Variants in ZFHX3 observed in about 807,000 individuals in gnomAD.
The protein encoded by ZFHX3 is zinc finger homeobox protein 3.
In ZFHX3, 42 loss-of-function variants were observed where a neutral mutation model predicts 279.1. The observed-to-expected ratio is 0.15, with a 90% CI of 0.12 to 0.19. The LOEUF (loss-of-function observed/expected upper bound fraction) is 0.19, where lower values mean the gene tolerates loss of function less well. Ranked by LOEUF, ZFHX3 falls within the 10% of genes least tolerant of loss-of-function variation. ZFHX3 has a pLI of 1.00. For synonymous variants in ZFHX3, 2,293 were observed against 1,957.8 expected (o/e 1.17, Z -4.52); for missense variants, 4,981 against 4,754.0 (o/e 1.05, Z -1.40).
chr16:73,251,844 CACAT>C (rs1324683398), intron 5 of ZFHX3, among the ~76,000 whole-genome samples: 2 of 144,114 alleles, frequency 1.4e-5, no homozygotes, highest in Non-Finnish European at 3.0e-5. Context: ...CATGCACACG[CACAT>C]ACACACCGCA....
intron 2 of ZFHX3, among the ~76,000 whole-genome samples, chr16:73,599,675 T>A (rs1394916771): frequency 6.6e-6 from 1 of 151,070 alleles, no homozygotes; most frequent in African/African-American, 2.4e-5. Flanking sequence ...GGCAGCTGAT[T>A]GAGAACTATA....
At chr16:72,931,404 T>TACACAC (rs59696404) in intron 3 of ZFHX3, among the ~76,000 whole-genome samples, 3,943 of 120,020 alleles carry the variant, frequency 0.033, 112 homozygotes, top group Non-Finnish European at 0.048. Flanking sequence ...TTTATTTCAT[T>TACACAC]ACACACACAC....
intron 3 of ZFHX3, among the ~76,000 whole-genome samples, chr16:73,416,599 C>G (rs544327039): frequency 1.7e-3 from 264 of 152,242 alleles, no homozygotes; most frequent in African/African-American, 6.1e-3. Flanking sequence ...GTCGGCCGGA[C>G]GCGGTGGCTC....
At chr16:73,180,728 T>C (rs1227517173) in intron 5 of ZFHX3, among the ~76,000 whole-genome samples, 2 of 152,072 alleles carry the variant, frequency 1.3e-5, no homozygotes, top group East Asian at 3.9e-4. Context: ...AGTGGTGCTA[T>C]CTCAGCTCAC....
At chr16:73,175,229 A>G (rs889932267) in intron 5 of ZFHX3, among the ~76,000 whole-genome samples, 2 of 151,960 alleles carry the variant, frequency 1.3e-5, no homozygotes, top group Non-Finnish European at 2.9e-5. Flanking sequence ...AAACTAAAAA[A>G]ATTAGCTGGG....
intron 5 of ZFHX3, among the ~76,000 whole-genome samples, chr16:73,211,517 G>A (rs777671805): frequency 7.9e-5 from 12 of 151,966 alleles, no homozygotes; most frequent in African/African-American, 9.7e-5. Context: ...TACAAAGCAC[G>A]GGGAAATATA....
In ZFHX3 at chr16:72,957,802, C is replaced by T. The variant is rs747780845; in HGVS notation, c.2344G>A (p.Ala782Thr). The T allele has an allele frequency of 5.7e-6, 9 of 1,591,402 alleles. No individual in the cohort carries two copies. Among genetic ancestry groups the T allele is most frequent in the Non-Finnish European group, 7.7e-6 (9 of 1,163,928 alleles). The change falls in exon 2 of 10, where the codon GCG (alanine) becomes ACG (threonine). Residue 782 changes from alanine (A) to threonine (T), a missense_variant. By Grantham distance (58) the Ala-to-Thr change is moderately conservative. Around this residue, in one of 7 missense-constraint regions of ZFHX3, gnomAD observed 1,751 missense variants for 1,770.0 expected, o/e 0.99. Transcript: ENST00000268489. ...CAGGAGCTACTGATATTGGCTGCCG[C>T]CGCCGCCGCAGCCACCGCCGCCGCC... The part of the protein sequence containing the change: ...AAAAAVAAAA[A>T]AANISSSCGA...
intron 2 of ZFHX3, among the ~76,000 whole-genome samples, chr16:73,663,212 CACA>C (rs1197701443): frequency 6.6e-6 from 1 of 152,202 alleles, no homozygotes; most frequent in East Asian, 1.9e-4. Flanking sequence ...TTTCCAAAGA[CACA>C]ACAAGAACAT....
intron 2 of ZFHX3, among the ~76,000 whole-genome samples, chr16:73,503,407 C>G (rs899908176): frequency 6.6e-6 from 1 of 152,170 alleles, no homozygotes; most frequent in Non-Finnish European, 1.5e-5. Context: ...TAGAAGGGAT[C>G]TGTCTGAGAA....
At chr16:73,703,427 A>G (rs1404658574) in intron 1 of ZFHX3, among the ~76,000 whole-genome samples, 3 of 152,186 alleles carry the variant, frequency 2.0e-5, no homozygotes, top group Admixed American at 1.3e-4. Context: ...TAATTAGCCA[A>G]TAATATTAAA....
intron 1 of ZFHX3, among the ~76,000 whole-genome samples, chr16:73,813,036 C>G (rs1381274687): frequency 6.6e-6 from 1 of 152,200 alleles, no homozygotes; most frequent in Non-Finnish European, 1.5e-5. Context: ...CTTTGGGACT[C>G]CAATGAATCT....
At chr16:72,988,795 T>A (rs984363954) in intron 1 of ZFHX3, among the ~76,000 whole-genome samples, 1 of 152,250 alleles carries the variant, frequency 6.6e-6, no homozygotes, top group African/African-American at 2.4e-5. Context: ...TCATCATAAT[T>A]TTTCATCTTT....
chr16:73,408,907 T>G (rs888942636), intron 3 of ZFHX3, among the ~76,000 whole-genome samples: 1 of 152,154 alleles, frequency 6.6e-6, no homozygotes, highest in East Asian at 1.9e-4. Context: ...TCAAACTTTA[T>G]AGACATGAAC....
At chr16:73,005,489 T>C (rs55649472) in intron 1 of ZFHX3, 33,066 of 150,804 alleles carry the variant, frequency 0.22, 4,312 homozygotes, top group East Asian at 0.64. Flanking sequence ...AACAAGACTC[T>C]GTCTCAAAAA....
chr16:73,881,488 C>CG (rs199783612), intron 1 of ZFHX3, among the ~76,000 whole-genome samples: 2,911 of 86,760 alleles, frequency 0.034, 415 homozygotes, highest in African/African-American at 0.058. Flanking sequence ...CTGCCCCCCC[C>CG]CCCCACTCTG....
At chr16:73,237,413 T>G (rs2012984897) in intron 5 of ZFHX3, among the ~76,000 whole-genome samples, 2 of 151,976 alleles carry the variant, frequency 1.3e-5, no homozygotes, top group African/African-American at 4.8e-5. Flanking sequence ...GCCCAGCTAA[T>G]TTTTTTTAAA....
At chr16:73,777,024 G>A (rs914864642) in intron 1 of ZFHX3, among the ~76,000 whole-genome samples, 1 of 152,182 alleles carries the variant, frequency 6.6e-6, no homozygotes, top group Non-Finnish European at 1.5e-5. Flanking sequence ...TCCCATGAAC[G>A]TAGAGGAGGT....
chr16:73,199,736 G>A (rs1968228262), intron 5 of ZFHX3, among the ~76,000 whole-genome samples: 1 of 152,184 alleles, frequency 6.6e-6, no homozygotes, highest in South Asian at 2.1e-4. Flanking sequence ...CCTTTGGGAG[G>A]CCATGGTGGA....
intron 1 of ZFHX3, among the ~76,000 whole-genome samples, chr16:72,977,061 T>A (rs1411887530): frequency 6.6e-6 from 1 of 152,228 alleles, no homozygotes; most frequent in Non-Finnish European, 1.5e-5. Context: ...GCAGAACCAC[T>A]GAACCGGCCT....
Sources: allele counts gnomAD v4.1 joint callset (sites outside exome capture counted in the v4.1 genomes callset), GRCh38; gene constraint gnomAD v4.1.1; regional missense constraint gnomAD v4.1.1; transcripts MANE v1.5; gene names NCBI Gene and HGNC (gene_info 2026-07-23, HGNC 2026-07-21).